Variants in GALNT13 observed in about 807,000 individuals in gnomAD.
GALNT13 encodes polypeptide N-acetylgalactosaminyltransferase 13.
In GALNT13, 28 loss-of-function variants were observed where a neutral mutation model predicts 64.2. That is an observed-to-expected ratio of 0.44 (90% confidence interval 0.32 to 0.60). The LOEUF (loss-of-function observed/expected upper bound fraction) is 0.60. GALNT13 is among the 20% of genes least tolerant of loss of function. The pLI is 0.05. For missense variants in GALNT13, 577 were observed against 669.8 expected, an observed-to-expected ratio of 0.86 and a Z score of 1.53; for synonymous variants, 214 against 224.6, an observed-to-expected ratio of 0.95 and a Z score of 0.42.
the GALNT13 span, among the ~76,000 whole-genome samples, chr2:153,654,422 GGTTAT>G: frequency 6.6e-6 from 1 of 151,874 alleles, no homozygotes; most frequent in Non-Finnish European, 1.5e-5. Flanking sequence ...ATGTCATTGT[GGTTAT>G]GTTAAAAGGT....
chr2:154,021,901 T>A (rs900613677), intron 3 of GALNT13, among the ~76,000 whole-genome samples: 12 of 151,926 alleles, frequency 7.9e-5, no homozygotes, highest in Non-Finnish European at 1.8e-4. Context: ...ATTGAGAGTT[T>A]TTAGCATGAA....
At chr2:153,738,688 C>A in the GALNT13 span, among the ~76,000 whole-genome samples, 2 of 151,812 alleles carry the variant, frequency 1.3e-5, no homozygotes, top group Non-Finnish European at 2.9e-5. Flanking sequence ...TGAATTATGT[C>A]TTTGAGTTGA....
the GALNT13 span, among the ~76,000 whole-genome samples, chr2:153,146,675 G>GT: frequency 1.3e-5 from 2 of 151,822 alleles, no homozygotes; most frequent in African/African-American, 4.8e-5. Flanking sequence ...TTGTATCAGG[G>GT]TTTCCTTCAG....
chr2:153,627,177 A>C, the GALNT13 span, among the ~76,000 whole-genome samples: 2 of 152,090 alleles, frequency 1.3e-5, no homozygotes, highest in Non-Finnish European at 2.9e-5. Flanking sequence ...CACATTGAGG[A>C]CTGTACACTG....
At chr2:154,006,258 G>T (rs886985105) in intron 3 of GALNT13, among the ~76,000 whole-genome samples, 7 of 152,108 alleles carry the variant, frequency 4.6e-5, no homozygotes, top group Non-Finnish European at 1.0e-4. Context: ...TTGTTTTATA[G>T]AGAAGATTGT....
At chr2:154,092,637 G>C (rs17807398) in intron 3 of GALNT13, among the ~76,000 whole-genome samples, 43,666 of 151,898 alleles carry the variant, frequency 0.29, 6,619 homozygotes, top group Non-Finnish European at 0.32. Flanking sequence ...GGCTTGAAGG[G>C]TAACCAGGAA....
intron 3 of GALNT13, among the ~76,000 whole-genome samples, chr2:154,133,534 T>TTGTG (rs1238613797): frequency 1.3e-5 from 1 of 77,324 alleles, no homozygotes; most frequent in Non-Finnish European, 2.4e-5. Flanking sequence ...ACAGACCATT[T>TTGTG]TATATATATA....
intron 4 of GALNT13, among the ~76,000 whole-genome samples, chr2:154,219,352 C>T (rs1338737168): frequency 6.6e-6 from 1 of 151,868 alleles, no homozygotes; most frequent in African/African-American, 2.4e-5. Context: ...AATCTTCTAC[C>T]CCAAGTAAAT....
chr2:153,760,757 A>C, the GALNT13 span, among the ~76,000 whole-genome samples: 1 of 152,110 alleles, frequency 6.6e-6, no homozygotes. Context: ...TGGTCTAAGG[A>C]TATTTCAAAG....
chr2:153,297,719 C>G, the GALNT13 span, among the ~76,000 whole-genome samples: 2 of 152,274 alleles, frequency 1.3e-5, no homozygotes, highest in South Asian at 4.1e-4. Flanking sequence ...AGCAGTCATT[C>G]AGGCTCCACT....
the GALNT13 span, among the ~76,000 whole-genome samples, chr2:153,524,280 T>A: frequency 6.6e-6 from 1 of 152,152 alleles, no homozygotes; most frequent in East Asian, 1.9e-4. Flanking sequence ...GTAATGTCTT[T>A]TTCTATGCTG....
At chr2:153,080,795 TG>T in the GALNT13 span, among the ~76,000 whole-genome samples, 1 of 152,230 alleles carries the variant, frequency 6.6e-6, no homozygotes, top group South Asian at 2.1e-4. Context: ...TGTAATGTTT[TG>T]CTGTGTTACT....
At chr2:154,362,027 A>G (rs532765874) in intron 9 of GALNT13, among the ~76,000 whole-genome samples, 2 of 152,100 alleles carry the variant, frequency 1.3e-5, no homozygotes, top group East Asian at 1.9e-4. Flanking sequence ...GCCCAGTCCC[A>G]TGGAATCAGC....
At chr2:153,987,961 G>A (rs1283938091) in intron 3 of GALNT13, among the ~76,000 whole-genome samples, 1 of 151,618 alleles carries the variant, frequency 6.6e-6, no homozygotes, top group African/African-American at 2.4e-5. Flanking sequence ...AAGTATTCGG[G>A]GGAGAAGAGC....
chr2:153,480,944 T>A, the GALNT13 span, among the ~76,000 whole-genome samples: 1 of 152,186 alleles, frequency 6.6e-6, no homozygotes, highest in Non-Finnish European at 1.5e-5. Context: ...AGAATTTGAG[T>A]ATATTTATTG....
chr2:154,284,779 A>C (rs1286862094), intron 8 of GALNT13, among the ~76,000 whole-genome samples: 1 of 152,202 alleles, frequency 6.6e-6, no homozygotes, highest in African/African-American at 2.4e-5. Context: ...ACTATCTCCC[A>C]AAATAGCTGT....
chr2:154,125,942 A>G (rs1270537549), intron 3 of GALNT13, among the ~76,000 whole-genome samples: 1 of 152,186 alleles, frequency 6.6e-6, no homozygotes, highest in Non-Finnish European at 1.5e-5. Flanking sequence ...AAAGGGTACA[A>G]TCTACCTTCT....
Position 154,229,351 on chromosome 2 carries a change from A to C in GALNT13, c.312-12679A>C, listed in dbSNP as rs138419889. Among the ~76,000 whole-genome samples, 213 of 151,690 alleles carry C rather than the reference A, an allele frequency of 1.4e-3. 2 individuals carry two copies. Among genetic ancestry groups the C allele is most frequent in the African/African-American group, 5.0e-3 (208 of 41,484 alleles). ...TTCTCAAAACTTTTGCTGAGTATGT[A>C]ATTTTATATATATATATAATTTTAA... On this transcript the variant is annotated intron_variant, in intron 4 of 12. Transcript: ENST00000392825.
the GALNT13 span, among the ~76,000 whole-genome samples, chr2:153,124,808 C>G: frequency 6.6e-6 from 1 of 152,108 alleles, no homozygotes; most frequent in African/African-American, 2.4e-5. Flanking sequence ...AGCCAGCTTG[C>G]TTTGTTTTAA....
Sources: gnomAD v4.1 joint callset for allele counts (sites outside exome capture counted in the v4.1 genomes callset) on GRCh38, gnomAD v4.1.1 for gene constraint, MANE v1.5 for transcripts, NCBI Gene and HGNC (gene_info 2026-07-23, HGNC 2026-07-21) for gene names.